Variants in MYRIP observed in about 807,000 individuals in gnomAD.
MYRIP encodes rab effector MyRIP.
MYRIP carries 49 observed loss-of-function variants against 98.0 expected under a neutral mutation model. That is an observed-to-expected ratio of 0.50 (90% CI 0.40 to 0.63). The LOEUF is 0.63. MYRIP is among the 30% of genes least tolerant of loss of function. MYRIP has a pLI of 0.00. For missense variants in MYRIP, 1,004 were observed against 1,058.2 expected, an observed-to-expected ratio of 0.95 and a Z score of 0.71; for synonymous variants, 404 against 409.5, an observed-to-expected ratio of 0.99 and a Z score of 0.16.
intron 3 of MYRIP, among the ~76,000 whole-genome samples, chr3:40,078,336 T>A: frequency 6.6e-6 from 1 of 152,220 alleles, no homozygotes; most frequent in Non-Finnish European, 1.5e-5. Context: ...GAGCCGGCTC[T>A]GGCCTTGGCC....
At chr3:39,907,178 T>G (rs1943899391) in intron 2 of MYRIP, among the ~76,000 whole-genome samples, 1 of 152,222 alleles carries the variant, frequency 6.6e-6, no homozygotes, top group Non-Finnish European at 1.5e-5. Flanking sequence ...CCATCTGCCT[T>G]TCTGTGTATC....
At chr3:40,112,889 A>G (rs951105224) in intron 3 of MYRIP, among the ~76,000 whole-genome samples, 3 of 152,334 alleles carry the variant, frequency 2.0e-5, no homozygotes, top group Non-Finnish European at 2.9e-5. Context: ...GAAATCAAGT[A>G]TTAGAAGCCA....
intron 2 of MYRIP, among the ~76,000 whole-genome samples, chr3:39,948,934 A>G (rs1444671749): frequency 6.6e-6 from 1 of 152,146 alleles, no homozygotes; most frequent in Non-Finnish European, 1.5e-5. Context: ...CTAAGGAATA[A>G]CAACCAGACA....
intron 2 of MYRIP, among the ~76,000 whole-genome samples, chr3:39,929,159 G>A (rs1227424354): frequency 6.6e-6 from 1 of 151,884 alleles, no homozygotes; most frequent in African/African-American, 2.4e-5. Flanking sequence ...ATTGTTTAGA[G>A]TCACTCAAAA....
intron 2 of MYRIP, among the ~76,000 whole-genome samples, chr3:39,934,270 T>C (rs1035659335): frequency 6.6e-6 from 1 of 152,152 alleles, no homozygotes. Flanking sequence ...TACATCAGCT[T>C]TGTCTGCAAG....
intron 10 of MYRIP, among the ~76,000 whole-genome samples, chr3:40,192,602 T>C (rs549790058): frequency 6.6e-6 from 1 of 152,090 alleles, no homozygotes; most frequent in South Asian, 2.1e-4. Context: ...ATGCTGTCCA[T>C]ATGCTTCCAC....
At chr3:40,080,288 G>T (rs1254168751) in intron 3 of MYRIP, among the ~76,000 whole-genome samples, 1 of 152,078 alleles carries the variant, frequency 6.6e-6, no homozygotes, top group Non-Finnish European at 1.5e-5. Context: ...CAGCTTGGTT[G>T]TGTATTGTGT....
At chr3:40,109,049 C>T (rs1489876214) in intron 3 of MYRIP, among the ~76,000 whole-genome samples, 1 of 152,178 alleles carries the variant, frequency 6.6e-6, no homozygotes, top group Admixed American at 6.5e-5. Context: ...AAGTCTCTTT[C>T]CCTTTTCTCA....
chr3:39,965,356 A>AT (rs1457425192), intron 2 of MYRIP, among the ~76,000 whole-genome samples: 4 of 152,148 alleles, frequency 2.6e-5, no homozygotes, highest in African/African-American at 9.6e-5. Context: ...ACTAAGTGTG[A>AT]TTTTTCTCAA....
At chr3:39,977,642 C>T (rs1371945680) in intron 2 of MYRIP, among the ~76,000 whole-genome samples, 1 of 152,106 alleles carries the variant, frequency 6.6e-6, no homozygotes, top group Non-Finnish European at 1.5e-5. Context: ...AAATGGAGAT[C>T]TCCATAAAAC....
At chr3:39,819,859 C>T (rs907763767) in intron 1 of MYRIP, among the ~76,000 whole-genome samples, 37 of 152,158 alleles carry the variant, frequency 2.4e-4, no homozygotes, top group African/African-American at 8.4e-4. Context: ...TTTCAGAAAA[C>T]TGTTTTTGGT....
At chr3:40,169,435 G>C (rs893595225) in intron 7 of MYRIP, among the ~76,000 whole-genome samples, 1 of 152,180 alleles carries the variant, frequency 6.6e-6, no homozygotes, top group South Asian at 2.1e-4. Context: ...CTGTGCAAAC[G>C]AGCTGGATTT....
At chr3:40,076,418 G>GA (rs1948344202) in intron 3 of MYRIP, among the ~76,000 whole-genome samples, 1 of 152,170 alleles carries the variant, frequency 6.6e-6, no homozygotes, top group East Asian at 1.9e-4. Context: ...CAGAGCTTTG[G>GA]AAAAAAATCA....
intron 3 of MYRIP, among the ~76,000 whole-genome samples, chr3:40,063,444 T>C (rs1425500479): frequency 6.6e-6 from 1 of 152,238 alleles, no homozygotes; most frequent in Non-Finnish European, 1.5e-5. Flanking sequence ...TACTTATTTC[T>C]TCTATGAATG....
chr3:40,143,490 A>G (rs1949951493), intron 3 of MYRIP, among the ~76,000 whole-genome samples: 1 of 152,144 alleles, frequency 6.6e-6, no homozygotes, highest in Non-Finnish European at 1.5e-5. Context: ...AGTTTAAATA[A>G]ACGCAATAAA....
At chr3:40,169,790 G>A (rs1483435547) in intron 7 of MYRIP, among the ~76,000 whole-genome samples, 160 bp from the exon 8 acceptor site, 2 of 152,142 alleles carry the variant, frequency 1.3e-5, no homozygotes, top group Non-Finnish European at 2.9e-5. Context: ...GGCTATAATT[G>A]TGCTGGTTTC....
At chr3:40,023,581 C>T (rs996606882) in intron 2 of MYRIP, among the ~76,000 whole-genome samples, 3 of 152,174 alleles carry the variant, frequency 2.0e-5, no homozygotes, top group Non-Finnish European at 4.4e-5. Context: ...CATTCACCCA[C>T]AGTCTCCTGC....
intron 1 of MYRIP, among the ~76,000 whole-genome samples, chr3:39,857,270 G>GAAGGAAGGAAGGAAGGAAGA (rs1229576310): frequency 6.6e-6 from 1 of 151,200 alleles, no homozygotes; most frequent in Non-Finnish European, 1.5e-5. Context: ...AGGAAGGAAG[G>GAAGGAAGGAAGGAAGGAAGA]AAGGAAGGAA....
Position 40,260,318 on chromosome 3 carries a change from T to C in MYRIP, c.*2152T>C, listed in dbSNP as rs569007719. 2 of 152,304 alleles carry C rather than the reference T, an allele frequency of 1.3e-5. No individual in the cohort carries two copies. Among genetic ancestry groups the C allele is most frequent in the South Asian group, 4.1e-4 (2 of 4,830 alleles). The allele number at this position is 152,304 out of a possible 1,614,324, so 9.4% of individuals were successfully genotyped here. A position where few individuals can be genotyped will look rare whatever the true frequency, so the allele number is the denominator to read the frequency against. ...GATAAGTAAAAGTCATTTATGAAAA[T>C]AAAGATTGTGTGTGTGCAATTTTTT... On this transcript the variant is annotated 3_prime_UTR_variant, in exon 17 of 17. Transcript: ENST00000302541.
Sources: allele counts gnomAD v4.1 joint callset (sites outside exome capture counted in the v4.1 genomes callset), GRCh38; gene constraint gnomAD v4.1.1; transcripts MANE v1.5; gene names NCBI Gene and HGNC (gene_info 2026-07-23, HGNC 2026-07-21).